The following GRID2 variants were observed in gnomAD, a reference collection of about 807,000 sequenced individuals.
GRID2 encodes glutamate ionotropic receptor delta type subunit 2, also known as glutamate receptor ionotropic, delta-2.
In GRID2, 33 loss-of-function variants were observed where a neutral mutation model predicts 114.8. The observed-to-expected ratio is 0.29, with a 90% CI of 0.22 to 0.38. The LOEUF (loss-of-function observed/expected upper bound fraction) is 0.38. Ranked by LOEUF, GRID2 falls within the 10% of genes least tolerant of loss-of-function variation. The pLI is 1.00. For missense variants in GRID2, 1,184 were observed against 1,257.7 expected (o/e 0.94, Z 0.89); for synonymous variants, 505 against 449.9 (o/e 1.12, Z -1.55).
chr4:92,740,579 C>T (rs1217424479), intron 2 of GRID2, among the ~76,000 whole-genome samples: 1 of 152,142 alleles, frequency 6.6e-6, no homozygotes, highest in Non-Finnish European at 1.5e-5. Context: ...AGTTTCCAAT[C>T]TCAAGTTGAC....
chr4:93,252,781 A>G (rs1400264948), intron 8 of GRID2, among the ~76,000 whole-genome samples: 1 of 151,940 alleles, frequency 6.6e-6, no homozygotes, highest in African/African-American at 2.4e-5. Context: ...GAGATCGTTC[A>G]CTTCCCTTGT....
At chr4:92,921,892 A>C (rs1749374474) in intron 2 of GRID2, among the ~76,000 whole-genome samples, 1 of 152,148 alleles carries the variant, frequency 6.6e-6, no homozygotes, top group Admixed American at 6.5e-5. Flanking sequence ...GGGTACATTT[A>C]AGTCTGCAGA....
intron 5 of GRID2, among the ~76,000 whole-genome samples, chr4:93,210,138 A>G (rs932498081): frequency 3.3e-5 from 5 of 151,884 alleles, no homozygotes; most frequent in Non-Finnish European, 7.4e-5. Flanking sequence ...TTTTGTTGCA[A>G]TTGCTTTTGT....
chr4:92,907,706 G>A (rs1261083915), intron 2 of GRID2, among the ~76,000 whole-genome samples: 3 of 152,012 alleles, frequency 2.0e-5, no homozygotes, highest in Non-Finnish European at 4.4e-5. Context: ...CCCCACACCT[G>A]GCCTTAAAAT....
chr4:93,575,842 A>G (rs919555682), intron 13 of GRID2, among the ~76,000 whole-genome samples: 86 of 152,196 alleles, frequency 5.7e-4, no homozygotes, highest in African/African-American at 1.9e-3. Flanking sequence ...GAGTATTTAT[A>G]TATAAAATAA....
Position 93,375,564 on chromosome 4 carries a change from G to A in GRID2, c.1246-20043G>A, listed in dbSNP as rs1165131050. Among the ~76,000 whole-genome samples, 3 of 147,908 alleles carry A rather than the reference G, an allele frequency of 2.0e-5. No homozygotes were observed. In the East Asian group the frequency reaches 6.2e-4, roughly 30 times the overall value. Reference sequence around the variant, plus strand: ...GTCTCTGGAATGTATGTTTCCCTCTGCAGTTTCCCCAGTGTTGATTTTAAG... The same window carrying A: ...GTCTCTGGAATGTATGTTTCCCTCTACAGTTTCCCCAGTGTTGATTTTAAG... On this transcript the variant is annotated intron_variant, in intron 8 of 15. Coordinates refer to ENST00000282020, the MANE Select transcript of GRID2 (RefSeq NM_001510.4).
At chr4:93,087,339 A>G (rs1730421399) in intron 3 of GRID2, among the ~76,000 whole-genome samples, 1 of 152,178 alleles carries the variant, frequency 6.6e-6, no homozygotes, top group South Asian at 2.1e-4. Flanking sequence ...ACTTTTGATT[A>G]AGGCATTTTC....
intron 2 of GRID2, among the ~76,000 whole-genome samples, chr4:92,914,418 T>A (rs1319903399): frequency 2.0e-5 from 3 of 152,138 alleles, no homozygotes; most frequent in Non-Finnish European, 4.4e-5. Flanking sequence ...GGAAATATAA[T>A]TTTTTTACTT....
Position 93,128,027 on chromosome 4 carries a change from C to CAAAAAAAAAAAAAAA in GRID2, c.735+17092_735+17106dup, listed in dbSNP as rs1008311457. 1.8e-3 allele frequency among the ~76,000 whole-genome samples: 36 copies of CAAAAAAAAAAAAAAA among 20,332 alleles called. 6 individuals carry two copies. The highest frequency in any genetic ancestry group is 5.2e-3 in the African/African-American group (31 of 5,956). The allele number at this position is 20,332 out of a possible 152,430, so 13.3% of individuals were successfully genotyped here. ...CAGAGTAAGACCTTGTCCCCCGCAACAAAAAAAAAAAAAAAAAAAAAAAAA... is the reference window on the plus strand; with the variant it reads ...CAGAGTAAGACCTTGTCCCCCGCAACAAAAAAAAAAAAAAAAAAAAAAAAAAAAAAAAAAAAAAAA... On this transcript the variant is annotated intron_variant, in intron 4 of 15. Transcript: ENST00000282020.
At chr4:93,479,629 G>A (rs1330986263) in intron 11 of GRID2, among the ~76,000 whole-genome samples, 3 of 152,138 alleles carry the variant, frequency 2.0e-5, no homozygotes, top group Non-Finnish European at 4.4e-5. Context: ...CCCTAGGCCA[G>A]AAAACCAGGG....
intron 2 of GRID2, among the ~76,000 whole-genome samples, chr4:92,774,283 C>T (rs1738681330): frequency 6.6e-6 from 1 of 152,086 alleles, no homozygotes; most frequent in Non-Finnish European, 1.5e-5. Flanking sequence ...AAATCTGATG[C>T]TCCACAAAAT....
At chr4:93,390,176 A>G (rs1054477257) in intron 8 of GRID2, among the ~76,000 whole-genome samples, 3 of 152,178 alleles carry the variant, frequency 2.0e-5, no homozygotes, top group African/African-American at 7.2e-5. Context: ...TGCCTTGGTT[A>G]TACTCCTGGG....
At chr4:93,071,660 C>T (rs1425807005) in intron 2 of GRID2, among the ~76,000 whole-genome samples, 2 of 151,690 alleles carry the variant, frequency 1.3e-5, no homozygotes, top group African/African-American at 4.8e-5. Flanking sequence ...AGTGAATTCA[C>T]AAAACAGGGT....
intron 2 of GRID2, chr4:92,822,674 T>G (rs1741369579): frequency 6.3e-6 from 1 of 159,750 alleles, no homozygotes; most frequent in Non-Finnish European, 1.4e-5. Context: ...AGCACAGGTT[T>G]CCATCTCAGG....
chr4:93,050,353 T>TA (rs558447093), intron 2 of GRID2, among the ~76,000 whole-genome samples: 51 of 152,190 alleles, frequency 3.4e-4, no homozygotes, highest in Middle Eastern at 3.4e-3. Flanking sequence ...GTTGCTTTTT[T>TA]AAAAAAATTT....
intron 1 of GRID2, among the ~76,000 whole-genome samples, chr4:92,443,150 A>C (rs1733212796): frequency 6.6e-6 from 1 of 152,132 alleles, no homozygotes; most frequent in Non-Finnish European, 1.5e-5. Flanking sequence ...TGCACTGGGC[A>C]CAGAGACTAG....
chr4:92,699,181 G>A (rs1298985494), intron 2 of GRID2, among the ~76,000 whole-genome samples: 1 of 152,102 alleles, frequency 6.6e-6, no homozygotes, highest in Non-Finnish European at 1.5e-5. Context: ...ACCAATTTCT[G>A]TGTATTCTTT....
chr4:93,801,283 G>T (rs1208854139), intron 1 of GRID2, among the ~76,000 whole-genome samples: 1 of 152,040 alleles, frequency 6.6e-6, no homozygotes, highest in Non-Finnish European at 1.5e-5. Flanking sequence ...TTAGAGACCT[G>T]AGCAAAAGTT....
chr4:92,360,260 G>A (rs1416853536), intron 1 of GRID2, among the ~76,000 whole-genome samples: 1 of 151,818 alleles, frequency 6.6e-6, no homozygotes, highest in Non-Finnish European at 1.5e-5. Context: ...ACAACTTGTT[G>A]GAGGTAACTG....
Sources: allele counts gnomAD v4.1 joint callset (sites outside exome capture counted in the v4.1 genomes callset), GRCh38; gene constraint gnomAD v4.1.1; transcripts MANE v1.5; gene names NCBI Gene and HGNC (gene_info 2026-07-23, HGNC 2026-07-21).